Variants in AASDH observed in about 807,000 individuals in gnomAD.
AASDH encodes the protein beta-alanine-activating enzyme.
A neutral mutation model predicts 102.3 loss-of-function variants in AASDH; 81 were observed. The observed-to-expected ratio is 0.79, with a 90% CI of 0.66 to 0.95. AASDH has a LOEUF of 0.95. Ranked by LOEUF, AASDH falls within the 40% of genes least tolerant of loss-of-function variation. The probability of loss-of-function intolerance (pLI) is 0.00; values close to 1 mark genes in which losing one functional copy is unlikely to be tolerated. For missense variants in AASDH, 1,203 were observed against 1,266.2 expected (o/e 0.95, Z 0.76); for synonymous variants, 398 against 454.0 (o/e 0.88, Z 1.57).
At chr4:56,344,595 T>C (rs927883710) in intron 12 of AASDH, among the ~76,000 whole-genome samples, 1 of 152,192 alleles carries the variant, frequency 6.6e-6, no homozygotes, top group Non-Finnish European at 1.5e-5. Context: ...CTTAATTTCA[T>C]AATTCTTACA....
chr4:56,371,665 T>G, intron 4 of AASDH, 22 bp from the exon 5 acceptor site: 1 of 1,581,682 alleles, frequency 6.3e-7, no homozygotes, highest in South Asian at 1.2e-5. Flanking sequence ...CAGAATGCAG[T>G]TATGAGAAAC....
chr4:56,378,323 C>T lies in AASDH; in HGVS notation c.493G>A (p.Glu165Lys), dbSNP rs1752588555. Residue 165 changes from glutamate to lysine, a missense_variant, in exon 4 of 15, where the codon GAA (glutamate) becomes AAA (lysine). Coordinates refer to ENST00000205214, the MANE Select transcript of AASDH (RefSeq NM_181806.4). ...LNDGKEKYEK[E>K]KIKSISSEHV... is the part of the protein sequence containing the mutation. The stretch of plus-strand genomic sequence containing the variant: ...TCAGAACTTATGCTTTTTATTTTTT[C>T]TTTTTCATATTTCTCTTTTCCATCA... 1 of 1,613,886 alleles carries T rather than the reference C, an allele frequency of 6.2e-7. No individual in the cohort carries two copies. Among genetic ancestry groups the T allele is most frequent in the African/African-American group, 1.3e-5 (1 of 75,010 alleles).
At chr4:56,343,517 T>A (rs1747952394) in intron 13 of AASDH, 45 bp downstream of exon 13, 3 of 1,497,572 alleles carry the variant, frequency 2.0e-6, no homozygotes, top group Non-Finnish European at 2.7e-6. Flanking sequence ...ATTTTACAAA[T>A]TTAAAGAAAA....
At chr4:56,356,356 A>C in intron 5 of AASDH, 1 of 1,584,280 alleles carries the variant, frequency 6.3e-7, no homozygotes, top group Non-Finnish European at 8.6e-7. Context: ...AAGCGGCTGA[A>C]AGTGCCTCCT....
chr4:56,359,853 G>A (rs998419774), intron 5 of AASDH, among the ~76,000 whole-genome samples: 37 of 152,046 alleles, frequency 2.4e-4, no homozygotes, highest in African/African-American at 8.5e-4. Flanking sequence ...CACCGTGCCC[G>A]GCCGATGTTC....
At chr4:56,372,934 G>C (rs1751917936) in intron 4 of AASDH, among the ~76,000 whole-genome samples, 1 of 152,202 alleles carries the variant, frequency 6.6e-6, no homozygotes, top group South Asian at 2.1e-4. Context: ...AAGGGAATGA[G>C]TAATAAACTG....
chr4:56,340,084 G>C (rs1389517727), intron 14 of AASDH, among the ~76,000 whole-genome samples: 2 of 151,584 alleles, frequency 1.3e-5, no homozygotes, highest in Non-Finnish European at 2.9e-5. Context: ...CAGGAGAATG[G>C]CTTGAACCCG....
chr4:56,369,475 A>G (rs1751440242), intron 5 of AASDH, among the ~76,000 whole-genome samples: 2 of 152,204 alleles, frequency 1.3e-5, no homozygotes, highest in Admixed American at 6.5e-5. Context: ...AACAAGCCAC[A>G]CTGCTACACT....
At chr4:56,379,650 G>A (rs976548706) in intron 3 of AASDH, among the ~76,000 whole-genome samples, 3 of 152,160 alleles carry the variant, frequency 2.0e-5, no homozygotes, top group Non-Finnish European at 2.9e-5. Context: ...AATGCAATGC[G>A]TATGATAATA....
Position 56,351,398 on chromosome 4 carries a change from C to G in AASDH, c.1636G>C (p.Glu546Gln), listed in dbSNP as rs751706495. ...TCCTCTTTCCCACTGAGCTTATTCT[C>G]AGACTTCAAGTTTATGTAGTTTAAA... ...IYLNYINLKS[E>Q]NKLSGKEDLW... Residue 546 changes from glutamate (E) to glutamine (Q), a missense_variant, in exon 10 of 15, where the codon GAG becomes CAG. Physicochemically the swap from Glu to Gln is conservative, Grantham distance 29. Transcript: ENST00000205214. 1 of 1,606,112 alleles carries G rather than the reference C, an allele frequency of 6.2e-7. No homozygotes were observed. Among genetic ancestry groups the G allele is most frequent in the African/African-American group, 1.3e-5 (1 of 74,812 alleles).
chr4:56,377,308 TAAG>T (rs1432163031), intron 4 of AASDH, among the ~76,000 whole-genome samples: 1 of 152,174 alleles, frequency 6.6e-6, no homozygotes, highest in African/African-American at 2.4e-5. Context: ...CTTGGCAAAT[TAAG>T]AATGTCAACT....
chr4:56,349,133 G>A, intron 11 of AASDH, 130 bp downstream of exon 11: 1 of 972,350 alleles, frequency 1.0e-6, no homozygotes, highest in South Asian at 1.7e-5. Flanking sequence ...TCAGCACAGG[G>A]TTAACTATAA....
At chr4:56,374,000 C>T (rs1752043989) in intron 4 of AASDH, among the ~76,000 whole-genome samples, 1 of 152,182 alleles carries the variant, frequency 6.6e-6, no homozygotes, top group Admixed American at 6.5e-5. Context: ...TACTGTTCCT[C>T]ATTTTCCCAA....
intron 3 of AASDH, among the ~76,000 whole-genome samples, chr4:56,379,045 G>A (rs559832572): frequency 5.3e-5 from 8 of 151,858 alleles, no homozygotes; most frequent in Non-Finnish European, 7.4e-5. Context: ...CACCACGCCC[G>A]GCTAATGTTT....
intron 4 of AASDH, among the ~76,000 whole-genome samples, chr4:56,371,941 T>TA (rs59016397): frequency 0.088 from 13,457 of 152,228 alleles, 748 homozygotes; most frequent in East Asian, 0.25. Context: ...TCCTCTCTAG[T>TA]ATGTTTCCTG....
intron 9 of AASDH, among the ~76,000 whole-genome samples, chr4:56,353,145 C>T (rs1377030774): frequency 1.3e-5 from 2 of 152,024 alleles, no homozygotes; most frequent in Non-Finnish European, 2.9e-5. Context: ...AAACTACAGG[C>T]GCTGACCACC....
intron 10 of AASDH, 88 bp from the exon 11 acceptor site, chr4:56,350,146 G>C: frequency 4.3e-5 from 47 of 1,092,794 alleles, no homozygotes; most frequent in Middle Eastern, 3.0e-4. Context: ...AGAGATGAGA[G>C]TACCTACATT....
At chr4:56,357,021 TAAAG>T (rs755182353) in intron 5 of AASDH, 5 of 351,326 alleles carry the variant, frequency 1.4e-5, no homozygotes, top group South Asian at 4.6e-5. Context: ...CAATAATGAA[TAAAG>T]ATTTATAACA....
At chr4:56,383,013 C>T (rs1174079916) in intron 2 of AASDH, among the ~76,000 whole-genome samples, 4 of 152,188 alleles carry the variant, frequency 2.6e-5, no homozygotes, top group South Asian at 2.1e-4. Flanking sequence ...GCCGAGATCA[C>T]GCCGTTGCAC....
Sources: allele counts gnomAD v4.1 joint callset (sites outside exome capture counted in the v4.1 genomes callset), GRCh38; gene constraint gnomAD v4.1.1; transcripts MANE v1.5; gene names NCBI Gene and HGNC (gene_info 2026-07-23, HGNC 2026-07-21).